The following WASL variants were observed in gnomAD, a reference collection of about 807,000 sequenced individuals.
WASL encodes actin nucleation-promoting factor WASL.
WASL carries 20 observed loss-of-function variants against 55.5 expected under a neutral mutation model. The observed-to-expected ratio is 0.36, with a 90% CI of 0.25 to 0.52. WASL has a LOEUF of 0.52. Among genes scored for constraint, WASL ranks in the 20% least tolerant of loss-of-function variants. The probability of loss-of-function intolerance (pLI) is 0.92; values close to 1 mark genes in which losing one functional copy is unlikely to be tolerated. For synonymous variants in WASL, 249 were observed against 217.6 expected (o/e 1.14, Z -1.27); for missense variants, 504 against 622.5 (o/e 0.81, Z 2.03).
At chr7:123,703,106 C>T (rs1180988477) in intron 5 of WASL, among the ~76,000 whole-genome samples, 1 of 152,180 alleles carries the variant, frequency 6.6e-6, no homozygotes, top group African/African-American at 2.4e-5. Context: ...CAACCTGTAA[C>T]TCAGCTGCTT....
chr7:123,695,740 AAAAATG>A (rs1426689501), intron 7 of WASL, 77 bp downstream of exon 7: 1 of 1,432,806 alleles, frequency 7.0e-7, no homozygotes, highest in African/African-American at 1.4e-5. Context: ...TAGAAACCAC[AAAAATG>A]AATTTAAAAA....
At chr7:123,720,796 C>T (rs990105905) in intron 1 of WASL, among the ~76,000 whole-genome samples, 8 of 151,730 alleles carry the variant, frequency 5.3e-5, no homozygotes, top group East Asian at 1.9e-4. Flanking sequence ...ACTACAGGTG[C>T]CTGCACACTG....
chr7:123,719,067 T>C (rs1803893010), intron 1 of WASL, among the ~76,000 whole-genome samples: 1 of 152,242 alleles, frequency 6.6e-6, no homozygotes, highest in Non-Finnish European at 1.5e-5. Flanking sequence ...ACTCTACTTG[T>C]CACATCATCT....
At chr7:123,731,063 G>T (rs1804127948) in intron 1 of WASL, among the ~76,000 whole-genome samples, 1 of 152,042 alleles carries the variant, frequency 6.6e-6, no homozygotes, top group Non-Finnish European at 1.5e-5. Context: ...AAAGCAAAGG[G>T]ATAGAGAAAG....
chr7:123,690,286 C>T (rs981625823), intron 9 of WASL, among the ~76,000 whole-genome samples: 1 of 152,134 alleles, frequency 6.6e-6, no homozygotes, highest in Non-Finnish European at 1.5e-5. Context: ...ATTTGAGGTA[C>T]TAAAACCATG....
rs560025694 is a variant in WASL, at chr7:123,696,893, A to C, written c.461-146T>G. On this transcript the variant is annotated intron_variant, in intron 5 of 10. Coordinates refer to ENST00000223023, the MANE Select transcript of WASL (RefSeq NM_003941.4). ...TTTAAACTTCTACATTTTTTTCATA[A>C]AGTGCTGCCTAAATTTCTAAAACCT... is the stretch of plus-strand genomic sequence containing the variant. 5 of 605,362 alleles carry C rather than the reference A, an allele frequency of 8.3e-6. No individual in the cohort carries two copies. In the African/African-American group the frequency reaches 9.7e-5, roughly 12 times the overall value. The allele number at this position is 605,362 out of a possible 1,614,324, so 37.5% of individuals were successfully genotyped here. A position where few individuals can be genotyped will look rare whatever the true frequency, so the allele number is the denominator to read the frequency against.
intron 5 of WASL, among the ~76,000 whole-genome samples, chr7:123,698,816 C>T (rs944568941): frequency 6.6e-6 from 1 of 152,030 alleles, no homozygotes; most frequent in African/African-American, 2.4e-5. Flanking sequence ...TATCAGATTT[C>T]GACATTTATG....
intron 1 of WASL, among the ~76,000 whole-genome samples, chr7:123,730,841 T>G (rs566412656): frequency 7.9e-5 from 12 of 152,270 alleles, no homozygotes; most frequent in African/African-American, 2.6e-4. Context: ...ATGTGCAGGT[T>G]TGTTATACGG....
At chr7:123,721,837 T>C (rs899229826) in intron 1 of WASL, among the ~76,000 whole-genome samples, 3 of 152,112 alleles carry the variant, frequency 2.0e-5, no homozygotes, top group Admixed American at 1.3e-4. Flanking sequence ...GAGAAATGCT[T>C]GAACCCAGGA....
At position 123,748,035 on chromosome 7, in the gene WASL, T is replaced by C. The variant is rs145210090; in HGVS notation, c.117+583A>G. Among the ~76,000 whole-genome samples the C allele has an allele frequency of 2.3e-3, 346 of 152,160 alleles. 2 individuals are homozygous for C. Among genetic ancestry groups the C allele is most frequent in the African/African-American group, 7.9e-3 (326 of 41,504 alleles). ...AGAAACCAGGCCTAGGCAAGGTTGC[T>C]AGAGAAATAAATCTTGTTTCTCTTT... On this transcript the variant is annotated intron_variant, in intron 1 of 10. Transcript: ENST00000223023.
At chr7:123,734,016 G>T (rs116850683) in intron 1 of WASL, among the ~76,000 whole-genome samples, 2 of 151,552 alleles carry the variant, frequency 1.3e-5, no homozygotes, top group Admixed American at 1.3e-4. Context: ...TTGCAAAACT[G>T]TAAGAGTTCT....
At chr7:123,694,895 T>C (rs747317387) in intron 7 of WASL, 27 bp from the exon 8 acceptor site, 2 of 1,580,864 alleles carry the variant, frequency 1.3e-6, no homozygotes, top group African/African-American at 1.4e-5. Context: ...CTGCTAACTA[T>C]AAAAATATAT....
chr7:123,692,158 G>A (rs1473896789), intron 9 of WASL, among the ~76,000 whole-genome samples, 189 bp downstream of exon 9: 2 of 152,160 alleles, frequency 1.3e-5, no homozygotes, highest in African/African-American at 4.8e-5. Flanking sequence ...TGGCTATAGA[G>A]ATGTATCAAA....
intron 1 of WASL, among the ~76,000 whole-genome samples, chr7:123,716,197 C>G (rs1803837849): frequency 6.6e-6 from 1 of 152,044 alleles, no homozygotes; most frequent in African/African-American, 2.4e-5. Flanking sequence ...TCCCAGCTCA[C>G]CAATCAGTTT....
intron 5 of WASL, among the ~76,000 whole-genome samples, chr7:123,701,547 T>C (rs1039604653): frequency 6.6e-6 from 1 of 152,250 alleles, no homozygotes; most frequent in African/African-American, 2.4e-5. Context: ...AGGAAGTTAC[T>C]GAACTGCATT....
chr7:123,745,896 C>A (rs938415654), intron 1 of WASL, among the ~76,000 whole-genome samples: 1 of 152,134 alleles, frequency 6.6e-6, no homozygotes, highest in Non-Finnish European at 1.5e-5. Flanking sequence ...AATCAGTTAT[C>A]CATTTTAAAA....
intron 1 of WASL, among the ~76,000 whole-genome samples, chr7:123,728,516 T>C (rs1034814498): frequency 6.6e-6 from 1 of 152,094 alleles, no homozygotes; most frequent in African/African-American, 2.4e-5. Flanking sequence ...GATAATGGTA[T>C]ATATCTACTG....
intron 1 of WASL, among the ~76,000 whole-genome samples, chr7:123,710,745 T>G (rs896115250): frequency 2.0e-5 from 3 of 152,030 alleles, no homozygotes; most frequent in Admixed American, 6.6e-5. Flanking sequence ...AAACAAAAAA[T>G]GTGTATCCTG....
chr7:123,684,201 T>C lies in WASL; in HGVS notation c.*318A>G, dbSNP rs1252912932. ...AGTGTTTTCCTTCTGGCATTATAAG[T>C]AAATTACATTAAGGTTTTTGTCAGT... On this transcript the variant is annotated 3_prime_UTR_variant, in exon 11 of 11. Coordinates refer to ENST00000223023, the MANE Select transcript of WASL (RefSeq NM_003941.4). The C allele has an allele frequency of 1.3e-5, 2 of 155,742 alleles. No individual in the cohort carries two copies. The highest frequency in any genetic ancestry group is 2.8e-5 in the Non-Finnish European group (2 of 70,586). 9.6% of individuals were successfully genotyped at this position (155,742 alleles called of 1,614,324 possible). A position where few individuals can be genotyped will look rare whatever the true frequency, so the allele number is the denominator to read the frequency against.
Sources: gnomAD v4.1 joint callset for allele counts (sites outside exome capture counted in the v4.1 genomes callset) on GRCh38, gnomAD v4.1.1 for gene constraint, MANE v1.5 for transcripts, NCBI Gene and HGNC (gene_info 2026-07-23, HGNC 2026-07-21) for gene names.